Variants in PCSK6 observed in about 807,000 individuals in gnomAD.
The protein encoded by PCSK6 is paired basic amino acid cleaving enzyme 4.
PCSK6 carries 85 observed loss-of-function variants against 123.3 expected under a neutral mutation model. The ratio of observed to expected loss-of-function variants is 0.69; its 90% CI spans 0.58 to 0.83. The LOEUF is 0.83. PCSK6 is among the 40% of genes least tolerant of loss of function. The pLI is 0.00. For missense variants in PCSK6, 1,191 were observed against 1,282.3 expected (o/e 0.93, Z 1.09); for synonymous variants, 508 against 516.0 (o/e 0.98, Z 0.21).
intron 1 of PCSK6, among the ~76,000 whole-genome samples, chr15:101,467,895 G>A (rs1233416669): frequency 6.6e-6 from 1 of 152,234 alleles, no homozygotes; most frequent in Non-Finnish European, 1.5e-5. Flanking sequence ...AGCCGGAGGT[G>A]TCTGGCAGGT....
chr15:101,488,169 A>G (rs1428540124), intron 1 of PCSK6, among the ~76,000 whole-genome samples: 1 of 152,188 alleles, frequency 6.6e-6, no homozygotes, highest in Admixed American at 6.5e-5. Flanking sequence ...TCTGCCACGG[A>G]TAACGATGAA....
intron 13 of PCSK6, chr15:101,347,848 A>C: frequency 8.0e-7 from 1 of 1,251,440 alleles, no homozygotes; most frequent in Non-Finnish European, 1.2e-6. Context: ...CCAGGGCAAC[A>C]GGAGTGGAGG....
chr15:101,401,489 C>G (rs1366820330), intron 6 of PCSK6, among the ~76,000 whole-genome samples: 2 of 152,178 alleles, frequency 1.3e-5, no homozygotes, highest in East Asian at 1.9e-4. Context: ...GACGCCTGCT[C>G]CCAAGGGGAG....
At chr15:101,443,755 G>A in intron 1 of PCSK6, 95 bp from the exon 2 acceptor site, 1 of 857,336 alleles carries the variant, frequency 1.2e-6, no homozygotes, top group East Asian at 2.4e-5. Context: ...TATCTGAGGG[G>A]CTCATTCTCC....
chr15:101,403,273 G>T (rs1383748639), intron 6 of PCSK6, among the ~76,000 whole-genome samples: 3 of 119,170 alleles, frequency 2.5e-5, no homozygotes, highest in Non-Finnish European at 3.4e-5. Flanking sequence ...GACTGTTGTG[G>T]GGTGGGGGGA....
At chr15:101,453,076 G>A (rs1047871128) in intron 1 of PCSK6, among the ~76,000 whole-genome samples, 1 of 152,212 alleles carries the variant, frequency 6.6e-6, no homozygotes, top group Admixed American at 6.5e-5. Flanking sequence ...CTTAAAGAAT[G>A]TATGGTCTAA....
At chr15:101,445,323 G>C (rs2056859828) in intron 1 of PCSK6, among the ~76,000 whole-genome samples, 1 of 152,122 alleles carries the variant, frequency 6.6e-6, no homozygotes. Flanking sequence ...CCCTCTCTCA[G>C]TTTCCTTATG....
At chr15:101,339,850 G>T (rs1165604135) in intron 13 of PCSK6, among the ~76,000 whole-genome samples, 1 of 151,918 alleles carries the variant, frequency 6.6e-6, no homozygotes, top group Non-Finnish European at 1.5e-5. Context: ...GTTGGAGGCT[G>T]CAGTGAGCCG....
intron 7 of PCSK6, among the ~76,000 whole-genome samples, chr15:101,394,330 A>G (rs189497935): frequency 6.6e-6 from 1 of 152,308 alleles, no homozygotes; most frequent in Non-Finnish European, 1.5e-5. Context: ...TTTGAAAGAC[A>G]GCAGCCAGTC....
chr15:101,322,834 A>G (rs1013316049), intron 17 of PCSK6, among the ~76,000 whole-genome samples: 5 of 152,170 alleles, frequency 3.3e-5, no homozygotes, highest in Non-Finnish European at 7.3e-5. Context: ...TCAGACAACC[A>G]CCAGGCCTCT....
chr15:101,438,047 G>A (rs1284649734), intron 2 of PCSK6, among the ~76,000 whole-genome samples: 1 of 152,182 alleles, frequency 6.6e-6, no homozygotes, highest in Non-Finnish European at 1.5e-5. Flanking sequence ...ACAACCACGT[G>A]AGGATCAAGA....
At position 101,393,225 on chromosome 15, in the gene PCSK6, T is replaced by G; in HGVS notation, c.1196A>C (p.Tyr399Ser). The change falls in exon 8 of 22, where the codon TAT (tyrosine) becomes TCT (serine). Residue 399 changes from tyrosine (Y) to serine (S), a missense_variant. Tyr to Ser is a moderately radical substitution (Grantham distance 144). Transcript: ENST00000611716. ...AAGAGAACTTACGATTTTTCGCTCA[T>G]AAAAGGCCCCACTGCTGTAGGTGGT... is the stretch of plus-strand genomic sequence containing the variant. ...LATTYSSGAFYERKIVTTDLR... is the reference protein window; with the variant it reads ...LATTYSSGAFSERKIVTTDLR... 1 of 1,613,088 alleles carries G rather than the reference T, an allele frequency of 6.2e-7. No individual in the cohort carries two copies. The highest frequency in any genetic ancestry group is 8.5e-7 in the Non-Finnish European group (1 of 1,179,638).
chr15:101,333,589 C>T (rs1349698679), intron 13 of PCSK6, among the ~76,000 whole-genome samples: 1 of 152,248 alleles, frequency 6.6e-6, no homozygotes, highest in Admixed American at 6.5e-5. Flanking sequence ...ATGCTCGCTA[C>T]TCCACCCGCT....
intron 6 of PCSK6, among the ~76,000 whole-genome samples, chr15:101,413,014 G>A (rs1410054261): frequency 7.2e-6 from 1 of 139,628 alleles, no homozygotes; most frequent in Non-Finnish European, 1.6e-5. Flanking sequence ...GTGAGGAGGA[G>A]GAGGAGGAGG....
In PCSK6 at chr15:101,325,509, C is replaced by T. The variant is rs117862932; in HGVS notation, c.2181-463G>A. On this transcript the variant is annotated intron_variant, in intron 16 of 21. Coordinates refer to ENST00000611716, the MANE Select transcript of PCSK6 (RefSeq NM_002570.5). ...GGCACCCGGCTTGACCTTGCACGGC[C>T]GCACCCGTGCCTGAGCCCTCATGGG... Among the ~76,000 whole-genome samples, 44 of 152,304 alleles carry T rather than the reference C, an allele frequency of 2.9e-4. 1 individual carries two copies. In the East Asian group the frequency reaches 5.0e-3, roughly 17 times the overall value.
At chr15:101,377,458 G>T (rs1029826357) in intron 11 of PCSK6, among the ~76,000 whole-genome samples, 1 of 152,206 alleles carries the variant, frequency 6.6e-6, no homozygotes, top group South Asian at 2.1e-4. Flanking sequence ...CTGGGCCTAA[G>T]TTCCTAACTC....
intron 5 of PCSK6, among the ~76,000 whole-genome samples, chr15:101,429,545 G>A (rs767357923): frequency 7.9e-5 from 12 of 152,138 alleles, no homozygotes; most frequent in Non-Finnish European, 1.3e-4. Flanking sequence ...ATCTGAACCT[G>A]GGTCTATCCA....
At position 101,442,307 on chromosome 15, in the gene PCSK6, C is replaced by T. The variant is rs117285383; in HGVS notation, c.402+1249G>A. Among the ~76,000 whole-genome samples the T allele has an allele frequency of 1.3e-3, 200 of 152,204 alleles. 1 individual carries two copies. Among genetic ancestry groups the T allele is most frequent in the Non-Finnish European group, 1.5e-3 (99 of 68,018 alleles). ...TCATATCTATCTCGTTCGACTTATC[C>T]GTATCTATCTATCCATCCATTCATC... On this transcript the variant is annotated intron_variant, in intron 2 of 21. Coordinates refer to ENST00000611716, the MANE Select transcript of PCSK6 (RefSeq NM_002570.5).
intron 6 of PCSK6, among the ~76,000 whole-genome samples, chr15:101,410,668 C>T (rs1002957834): frequency 6.6e-6 from 1 of 152,230 alleles, no homozygotes; most frequent in African/African-American, 2.4e-5. Flanking sequence ...TTTCTGGCCA[C>T]TGGGCTTGGT....
Sources: gnomAD v4.1 joint callset for allele counts (sites outside exome capture counted in the v4.1 genomes callset) on GRCh38, gnomAD v4.1.1 for gene constraint, MANE v1.5 for transcripts, NCBI Gene and HGNC (gene_info 2026-07-23, HGNC 2026-07-21) for gene names.